INTS6: variants seen among roughly 807,000 people sequenced by gnomAD.
The protein encoded by INTS6 is integrator complex subunit 6.
In INTS6, 16 loss-of-function variants were observed where a neutral mutation model predicts 104.9. The ratio of observed to expected loss-of-function variants is 0.15; its 90% CI spans 0.10 to 0.23. INTS6 has a LOEUF of 0.23. INTS6 is among the 10% of genes least tolerant of loss of function. The pLI, the probability that INTS6 is intolerant of heterozygous loss-of-function variation, is 1.00. For synonymous variants in INTS6, 324 were observed against 358.7 expected, an observed-to-expected ratio of 0.90 and a Z score of 1.09; for missense variants, 584 against 1,062.8, an observed-to-expected ratio of 0.55 and a Z score of 6.26.
the INTS6 span, among the ~76,000 whole-genome samples, chr13:51,338,420 A>G: frequency 1.3e-5 from 2 of 151,466 alleles, no homozygotes; most frequent in East Asian, 3.9e-4. Flanking sequence ...CAGGTGATCA[A>G]GAGATATTTG....
downstream of INTS6, among the ~76,000 whole-genome samples, chr13:51,358,408 G>A (rs1162281411): frequency 1.3e-5 from 2 of 152,128 alleles, no homozygotes; most frequent in Non-Finnish European, 2.9e-5. Context: ...AACCTTTTGA[G>A]TATGACCAGC....
At chr13:51,347,739 C>A in the INTS6 span, among the ~76,000 whole-genome samples, 1 of 152,210 alleles carries the variant, frequency 6.6e-6, no homozygotes, top group African/African-American at 2.4e-5. Flanking sequence ...CTTCTCTGTT[C>A]CACCTGAGAT....
chr13:51,369,688 C>T (rs1955768196), intron 15 of INTS6, among the ~76,000 whole-genome samples: 1 of 152,200 alleles, frequency 6.6e-6, no homozygotes, highest in Non-Finnish European at 1.5e-5. Flanking sequence ...CTAACTCACA[C>T]ATATGCCTTA....
chr13:51,453,009 C>A lies in INTS6; in HGVS notation c.-484G>T, dbSNP rs899874879. 2.0e-6 allele frequency: 2 copies of A among 1,012,910 alleles called. No individual in the cohort carries two copies. Among genetic ancestry groups the A allele is most frequent in the African/African-American group, 3.5e-5 (2 of 57,350 alleles). The allele number at this position is 1,012,910 out of a possible 1,614,324, so 62.7% of individuals were successfully genotyped here. ...CCTCCGCACCCCGGCGGTGTCACCA[C>A]TTTCTCAGCCCCTCTCGCTACTGAA... is the stretch of plus-strand genomic sequence containing the variant. On this transcript the variant is annotated 5_prime_UTR_variant, in exon 1 of 18. Coordinates refer to ENST00000311234, the MANE Select transcript of INTS6 (RefSeq NM_012141.3).
chr13:51,417,017 A>G (rs566393372), intron 4 of INTS6, among the ~76,000 whole-genome samples: 1 of 152,308 alleles, frequency 6.6e-6, no homozygotes, highest in African/African-American at 2.4e-5. Context: ...CCATTTATGT[A>G]TCTTCTCTGG....
chr13:51,406,665 G>A (rs117693632), intron 4 of INTS6, among the ~76,000 whole-genome samples: 1 of 152,066 alleles, frequency 6.6e-6, no homozygotes, highest in Non-Finnish European at 1.5e-5. Context: ...AAAACCCTTG[G>A]ATGGCTTCTT....
chr13:51,357,299 T>C (rs1466731771), downstream of INTS6, among the ~76,000 whole-genome samples: 2 of 152,206 alleles, frequency 1.3e-5, no homozygotes, highest in Non-Finnish European at 2.9e-5. Context: ...AACAAATAGT[T>C]TCCTCATTCC....
chr13:51,375,770 C>T (rs527777149), intron 13 of INTS6, among the ~76,000 whole-genome samples: 71 of 141,644 alleles, frequency 5.0e-4, no homozygotes, highest in African/African-American at 1.8e-3. Flanking sequence ...TGTGTGTGCG[C>T]GCGCGTGCGC....
intron 10 of INTS6, among the ~76,000 whole-genome samples, chr13:51,380,980 TCAA>T (rs1380054164): frequency 3.9e-5 from 6 of 152,212 alleles, no homozygotes; most frequent in Admixed American, 2.0e-4. Context: ...TTCTGTGAAT[TCAA>T]TCAACCACAG....
chr13:51,435,470 C>T (rs186092598), intron 3 of INTS6, among the ~76,000 whole-genome samples: 11 of 151,938 alleles, frequency 7.2e-5, no homozygotes, highest in Admixed American at 1.3e-4. Context: ...CAACCAATTA[C>T]CATGGTGTTA....
At chr13:51,437,596 C>G (rs1311401929) in intron 3 of INTS6, 1 of 151,956 alleles carries the variant, frequency 6.6e-6, no homozygotes, top group Non-Finnish European at 1.5e-5. Context: ...GGAAAGTTAG[C>G]AATAAAGCAT....
At chr13:51,450,284 C>A (rs1322951181) in intron 3 of INTS6, 3 of 984,786 alleles carry the variant, frequency 3.0e-6, no homozygotes, top group South Asian at 9.4e-5. Flanking sequence ...TACAATAGAC[C>A]ACCTTGCATT....
At chr13:51,346,315 G>A in the INTS6 span, among the ~76,000 whole-genome samples, 2 of 152,238 alleles carry the variant, frequency 1.3e-5, no homozygotes, top group South Asian at 4.1e-4. Context: ...TCAGCAGCGG[G>A]GCAGGGTGGG....
At chr13:51,404,103 C>CACACACACACACACACACAG (rs1491389220) in intron 4 of INTS6, among the ~76,000 whole-genome samples, 59 of 103,954 alleles carry the variant, frequency 5.7e-4, no homozygotes, top group South Asian at 2.0e-3. Context: ...CACACACACA[C>CACACACACACACACACACAG]AGAGAGAGAG....
At chr13:51,382,006 G>A (rs759202079) in intron 10 of INTS6, 23 bp downstream of exon 10, 3 of 1,547,864 alleles carry the variant, frequency 1.9e-6, no homozygotes, top group East Asian at 2.3e-5. Context: ...CGGCCAACAA[G>A]TTCTTTTAAA....
intron 4 of INTS6, among the ~76,000 whole-genome samples, chr13:51,401,884 T>G (rs1282129715): frequency 3.3e-5 from 5 of 152,058 alleles, no homozygotes; most frequent in Non-Finnish European, 1.5e-5. Context: ...AATCAAATGT[T>G]GAATTAATAT....
intron 7 of INTS6, among the ~76,000 whole-genome samples, chr13:51,386,507 T>G (rs1351835816): frequency 3.9e-5 from 6 of 152,096 alleles, no homozygotes; most frequent in Non-Finnish European, 8.8e-5. Flanking sequence ...TTAGAAAACC[T>G]TAACTTCATG....
At position 51,365,738 on chromosome 13, in the gene INTS6, C is replaced by T. The variant is rs1196703253; in HGVS notation, c.*14G>A. 1 of 1,388,506 alleles carries T rather than the reference C, an allele frequency of 7.2e-7. No individual in the cohort carries two copies. The highest frequency in any genetic ancestry group is 1.0e-6 in the Non-Finnish European group (1 of 997,066). 86.0% of individuals were successfully genotyped at this position (1,388,506 alleles called of 1,614,324 possible). ...AAGAAGATAGTGAAATAAGTGGCCA[C>T]ATTCTATTTTCTTTTAATTGCTATT... On this transcript the variant is annotated 3_prime_UTR_variant, in exon 18 of 18. Coordinates refer to ENST00000311234, the MANE Select transcript of INTS6 (RefSeq NM_012141.3).
chr13:51,358,654 TG>T (rs768683816), downstream of INTS6, among the ~76,000 whole-genome samples: 1 of 152,140 alleles, frequency 6.6e-6, no homozygotes, highest in Non-Finnish European at 1.5e-5. Context: ...GTATTTTTAA[TG>T]TAAGTTGGGC....
Sources: allele counts gnomAD v4.1 joint callset (sites outside exome capture counted in the v4.1 genomes callset), GRCh38; gene constraint gnomAD v4.1.1; transcripts MANE v1.5; gene names NCBI Gene and HGNC (gene_info 2026-07-23, HGNC 2026-07-21).